REPS2: variants seen among roughly 807,000 people sequenced by gnomAD.
REPS2 encodes the protein ralBP1-associated Eps domain-containing protein 2.
REPS2 carries 23 observed loss-of-function variants against 53.6 expected under a neutral mutation model. The observed-to-expected ratio is 0.43, with a 90% CI of 0.31 to 0.61. The LOEUF is 0.61. REPS2 is among the 20% of genes least tolerant of loss of function. The probability of loss-of-function intolerance (pLI) is 0.11; values close to 1 mark genes in which losing one functional copy is unlikely to be tolerated. For synonymous variants in REPS2, 238 were observed against 218.6 expected, an observed-to-expected ratio of 1.09 and a Z score of -0.78; for missense variants, 446 against 534.9, an observed-to-expected ratio of 0.83 and a Z score of 1.64.
At chrX:16,953,097 A>C in intron 1 of REPS2, among the ~76,000 whole-genome samples, 1 of 82,598 alleles carries the variant, frequency 1.2e-5, no homozygotes, top group East Asian at 4.3e-4. Context: ...AAACCAAAAA[A>C]CAAACACACA....
At chrX:16,968,351 G>T (rs112075692) in intron 1 of REPS2, among the ~76,000 whole-genome samples, 3 of 112,834 alleles carry the variant, frequency 2.7e-5, no homozygotes, top group African/African-American at 9.6e-5. Flanking sequence ...TCAGTGAGCT[G>T]TTGGGTACAC....
At position 16,964,312 on chromosome X, in the gene REPS2, T is replaced by C. The variant is rs1249764476; in HGVS notation, c.273+17178T>C. Among the ~76,000 whole-genome samples, 119 of 108,791 alleles carry C rather than the reference T, an allele frequency of 1.1e-3. 1 individual carries two copies. Among genetic ancestry groups the C allele is most frequent in the African/African-American group, 3.8e-3 (110 of 29,062 alleles). The allele number at this position is 108,791 out of a possible 115,157, so 94.5% of individuals were successfully genotyped here. A position where few individuals can be genotyped will look rare whatever the true frequency, so the allele number is the denominator to read the frequency against. ...CTTAATCCATTCAACCCTGAGTGGATACAGCACATGTTTCAGAGAGCACCG... is the reference window on the plus strand; with the variant it reads ...CTTAATCCATTCAACCCTGAGTGGACACAGCACATGTTTCAGAGAGCACCG... On this transcript the variant is annotated intron_variant, in intron 1 of 17. Transcript: ENST00000357277.
chrX:17,004,909 G>T (rs761113370), intron 1 of REPS2, among the ~76,000 whole-genome samples: 29 of 108,423 alleles, frequency 2.7e-4, no homozygotes, highest in Middle Eastern at 4.7e-3. Flanking sequence ...TTGCTATGTT[G>T]CCCATAGTCT....
At chrX:17,086,471 C>T (rs2062538253) in intron 13 of REPS2, among the ~76,000 whole-genome samples, 1 of 112,291 alleles carries the variant, frequency 8.9e-6, no homozygotes, top group Non-Finnish European at 1.9e-5. Context: ...CAACCGGCCA[C>T]TTGCCAATTT....
intron 2 of REPS2, among the ~76,000 whole-genome samples, chrX:17,018,637 T>A (rs2061532066): frequency 9.3e-6 from 1 of 107,931 alleles, no homozygotes; most frequent in South Asian, 4.2e-4. Context: ...CACATTCTTT[T>A]TTGGCAGATA....
intron 1 of REPS2, among the ~76,000 whole-genome samples, chrX:16,987,473 C>T: frequency 8.9e-6 from 1 of 112,501 alleles, no homozygotes; most frequent in Non-Finnish European, 1.9e-5. Flanking sequence ...AGACCTTTAA[C>T]TCCACTTATC....
At chrX:16,999,368 ATTTTTTTTT>A (rs1162932789) in intron 1 of REPS2, among the ~76,000 whole-genome samples, 2 of 62,745 alleles carry the variant, frequency 3.2e-5, no homozygotes, top group African/African-American at 6.6e-5. Flanking sequence ...GATGTTCCTG[ATTTTTTTTT>A]TTTTTTTTTT....
chrX:17,139,052 C>A, intron 17 of REPS2, 91 bp downstream of exon 17: 2 of 525,826 alleles, frequency 3.8e-6, no homozygotes, highest in Non-Finnish European at 6.1e-6. Flanking sequence ...AATAATTGTA[C>A]ATATTTATAG....
chrX:17,164,221 A>C, the REPS2 span, among the ~76,000 whole-genome samples: 7 of 109,042 alleles, frequency 6.4e-5, no homozygotes, highest in Non-Finnish European at 1.3e-4. Flanking sequence ...AAAATGGTAG[A>C]TGTAGATCTC....
intron 1 of REPS2, among the ~76,000 whole-genome samples, chrX:17,000,217 G>A (rs1216480868): frequency 9.0e-6 from 1 of 111,657 alleles, no homozygotes; most frequent in Non-Finnish European, 1.9e-5. Context: ...TTAAACAAAT[G>A]TATATAAATG....
At chrX:17,177,658 C>G in the REPS2 span, among the ~76,000 whole-genome samples, 17 of 111,758 alleles carry the variant, frequency 1.5e-4, no homozygotes, top group African/African-American at 5.5e-4. Context: ...CAAAAAATCC[C>G]TATCTCAGGC....
intron 13 of REPS2, among the ~76,000 whole-genome samples, chrX:17,081,571 T>C (rs1194908501): frequency 3.6e-5 from 4 of 112,647 alleles, no homozygotes; most frequent in South Asian, 3.7e-4. Flanking sequence ...TTTGGAAATA[T>C]AGAACAGTTG....
chrX:17,141,902 G>A (rs1569200762), intron 17 of REPS2, among the ~76,000 whole-genome samples: 1 of 111,787 alleles, frequency 8.9e-6, no homozygotes, highest in Non-Finnish European at 1.9e-5. Context: ...GTATAGACAA[G>A]CTAATCCCAA....
chrX:17,060,390 A>G (rs1456322039), intron 8 of REPS2, among the ~76,000 whole-genome samples: 2 of 111,760 alleles, frequency 1.8e-5, no homozygotes, highest in African/African-American at 6.5e-5. Flanking sequence ...TTTTTGCCAT[A>G]GAGTTTGTTA....
Position 17,099,346 on chromosome X carries a change from A to G in REPS2, c.1517-4372A>G, listed in dbSNP as rs1256630383. Among the ~76,000 whole-genome samples, 6 of 111,235 alleles carry G rather than the reference A, an allele frequency of 5.4e-5. No homozygotes were observed. In the Admixed American group the frequency reaches 5.7e-4, roughly 11 times the overall value. On this transcript the variant is annotated intron_variant, in intron 13 of 17. Coordinates refer to ENST00000357277, the MANE Select transcript of REPS2 (RefSeq NM_004726.3). The stretch of plus-strand genomic sequence containing the variant: ...CCCTCCCCATTCCTCCCTCTCCCAC[A>G]TAATACACCAGTAATAGCCAAAAAC...
intron 2 of REPS2, among the ~76,000 whole-genome samples, 156 bp downstream of exon 2, chrX:17,006,500 GTTTC>G (rs1474928161): frequency 8.9e-6 from 1 of 111,772 alleles, no homozygotes; most frequent in Non-Finnish European, 1.9e-5. Context: ...AGGTAGCTTA[GTTTC>G]TTTCTTTTTT....
chrX:17,171,337 G>C, the REPS2 span, among the ~76,000 whole-genome samples: 1 of 111,401 alleles, frequency 9.0e-6, no homozygotes, highest in South Asian at 3.8e-4. Context: ...AAACCAGCTT[G>C]ACTCAGATTC....
At chrX:17,155,118 A>C (rs1368146559), downstream of REPS2, among the ~76,000 whole-genome samples, 2 of 111,963 alleles carry the variant, frequency 1.8e-5, no homozygotes, top group Non-Finnish European at 3.8e-5. Flanking sequence ...AAAACTGGAT[A>C]ATTTATAAAG....
At chrX:17,037,671 C>G (rs1048984488) in intron 5 of REPS2, among the ~76,000 whole-genome samples, 4 of 112,237 alleles carry the variant, frequency 3.6e-5, no homozygotes, top group African/African-American at 1.3e-4. Flanking sequence ...CACTTCTTGA[C>G]AATAAAAGAG....
Sources: allele counts gnomAD v4.1 joint callset (sites outside exome capture counted in the v4.1 genomes callset), GRCh38; gene constraint gnomAD v4.1.1; transcripts MANE v1.5; gene names NCBI Gene and HGNC (gene_info 2026-07-23, HGNC 2026-07-21).